Variants in PCDHA8 observed in about 807,000 individuals in gnomAD.
PCDHA8 encodes protocadherin alpha 8, also known as protocadherin alpha-8.
A neutral mutation model predicts 61.8 loss-of-function variants in PCDHA8; 53 were observed. The ratio of observed to expected loss-of-function variants is 0.86; its 90% confidence interval spans 0.69 to 1.08. PCDHA8 has a LOEUF of 1.08. Among genes scored for constraint, PCDHA8 ranks in the 50% least tolerant of loss-of-function variants. The pLI is 0.00. For synonymous variants in PCDHA8, 618 were observed against 556.6 expected (o/e 1.11, Z -1.55); for missense variants, 1,293 against 1,245.0 (o/e 1.04, Z -0.58).
At chr5:140,946,797 CAG>C (rs1279078142) in intron 1 of PCDHA8, among the ~76,000 whole-genome samples, 2 of 151,052 alleles carry the variant, frequency 1.3e-5, no homozygotes, top group Non-Finnish European at 3.0e-5. Context: ...CTTATAGAAG[CAG>C]AGAGTATAAC....
chr5:140,945,275 A>G (rs1205952276), intron 1 of PCDHA8, among the ~76,000 whole-genome samples: 2 of 152,186 alleles, frequency 1.3e-5, no homozygotes, highest in Non-Finnish European at 2.9e-5. Context: ...TGAAAACTTT[A>G]AAACATTGAT....
rs138948867 is a variant in PCDHA8, at chr5:140,849,674, C to A, written c.2394+5959C>A. 2.5e-6 allele frequency: 4 copies of A among 1,598,602 alleles called. 1 individual carries two copies. Among genetic ancestry groups the A allele is most frequent in the Non-Finnish European group, 3.4e-6 (4 of 1,168,020 alleles). ...TTACCTGCTCCCTGACGCCCCACGT[C>A]CCCTTCAAGCTGGTGTCCACCTACA... On this transcript the variant is annotated intron_variant, in intron 1 of 3. Coordinates refer to ENST00000531613, the MANE Select transcript of PCDHA8 (RefSeq NM_018911.3).
intron 1 of PCDHA8, chr5:140,855,857 C>T: frequency 1.4e-6 from 1 of 710,772 alleles, no homozygotes; most frequent in Non-Finnish European, 2.3e-6. Context: ...CACCGGATGT[C>T]GCTGTCGTCC....
In PCDHA8 at chr5:140,949,013, T is replaced by C. The variant is rs541040709; in HGVS notation, c.2395-29936T>C. Among the ~76,000 whole-genome samples, 141 of 151,862 alleles carry C rather than the reference T, an allele frequency of 9.3e-4. No homozygotes were observed. In the Middle Eastern group the frequency reaches 0.01, roughly 11 times the overall value. On this transcript the variant is annotated intron_variant, in intron 1 of 3. Transcript: ENST00000531613. ...GCATTTTACTAATTTTTATATGTGATGTTTTTATTTTTATTCATTTAAAAG... is the reference window on the plus strand; with the variant it reads ...GCATTTTACTAATTTTTATATGTGACGTTTTTATTTTTATTCATTTAAAAG...
At chr5:140,862,433 G>T (rs781821294) in intron 1 of PCDHA8, 1 of 354,884 alleles carries the variant, frequency 2.8e-6, no homozygotes, top group Non-Finnish European at 5.6e-6. Flanking sequence ...GAAACTATTC[G>T]TTGGTACTCC....
At chr5:140,875,474 T>A in intron 1 of PCDHA8, 2 of 1,606,582 alleles carry the variant, frequency 1.2e-6, no homozygotes, top group Non-Finnish European at 1.7e-6. Flanking sequence ...TTTTCTGCAA[T>A]GGTGATTATC....
chr5:140,859,875 T>G (rs1554152798), intron 1 of PCDHA8: 1 of 152,066 alleles, frequency 6.6e-6, no homozygotes, highest in East Asian at 1.9e-4. Flanking sequence ...CTTCCCCCTC[T>G]GATATTTTGA....
At chr5:140,869,940 C>T in intron 1 of PCDHA8, 1 of 1,612,138 alleles carries the variant, frequency 6.2e-7, no homozygotes, top group African/African-American at 1.3e-5. Flanking sequence ...AGGTAACATA[C>T]TCCTTAATGT....
chr5:140,870,658 C>G, intron 1 of PCDHA8: 3 of 1,612,534 alleles, frequency 1.9e-6, no homozygotes, highest in Non-Finnish European at 2.5e-6. Context: ...GGTGTACGCG[C>G]TGCAGCCGTT....
chr5:140,931,047 C>G (rs969815598), intron 1 of PCDHA8, among the ~76,000 whole-genome samples: 5 of 152,166 alleles, frequency 3.3e-5, no homozygotes, highest in African/African-American at 9.6e-5. Context: ...AGAAAAACTT[C>G]AATGCTGTGT....
At chr5:140,951,311 T>G (rs1240303466) in intron 1 of PCDHA8, among the ~76,000 whole-genome samples, 4 of 152,224 alleles carry the variant, frequency 2.6e-5, no homozygotes, top group African/African-American at 9.6e-5. Context: ...ATTAATGTGT[T>G]ATTCTTGAGA....
chr5:140,941,214 C>CCTTTCTTT lies in PCDHA8; in HGVS notation c.2395-37700_2395-37693dup, dbSNP rs60032403. On this transcript the variant is annotated intron_variant, in intron 1 of 3. Coordinates refer to ENST00000531613, the MANE Select transcript of PCDHA8 (RefSeq NM_018911.3). ...TTTTTTCTTTCTTCCTTTCTTTCTTCCTTTCTTTCTTTCTTTCTTTCTTTC... is the reference window on the plus strand; with the variant it reads ...TTTTTTCTTTCTTCCTTTCTTTCTTCCTTTCTTTCTTTCTTTCTTTCTTTCTTTCTTTC... Among the ~76,000 whole-genome samples, 464 of 122,456 alleles carry CCTTTCTTT rather than the reference C, an allele frequency of 3.8e-3. 7 individuals are homozygous for CCTTTCTTT. The highest frequency in any genetic ancestry group is 0.025 in the Middle Eastern group (6 of 238). 80.3% of individuals were successfully genotyped at this position (122,456 alleles called of 152,430 possible).
intron 1 of PCDHA8, chr5:140,927,432 C>T: frequency 5.6e-6 from 9 of 1,614,124 alleles, no homozygotes; most frequent in Non-Finnish European, 5.9e-6. Flanking sequence ...TTGACGGCAG[C>T]GAATACCCGG....
rs1284021507 is a variant in PCDHA8 at position 140,883,838 on chromosome 5, G to A, written c.2394+40123G>A. The A allele has an allele frequency of 1.9e-6, 3 of 1,612,620 alleles. No individual in the cohort carries two copies. In the Admixed American group the frequency reaches 5.0e-5, roughly 27 times the overall value. ...CAAGGTGTACGCGCTGCAGCCGTTG[G>A]ACCACGAGGAGCTGGAGCTGTTGCA... On this transcript the variant is annotated intron_variant, in intron 1 of 3. Coordinates refer to ENST00000531613, the MANE Select transcript of PCDHA8 (RefSeq NM_018911.3).
chr5:140,926,890 A>ACCCTCCCT (rs782687521), intron 1 of PCDHA8: 1 of 1,543,756 alleles, frequency 6.5e-7, no homozygotes, highest in Non-Finnish European at 8.7e-7. Context: ...GCCTAGAGGG[A>ACCCTCCCT]GGATGGTGGG....
At chr5:140,911,365 TG>T (rs1554194694) in intron 1 of PCDHA8, among the ~76,000 whole-genome samples, 1 of 152,218 alleles carries the variant, frequency 6.6e-6, no homozygotes, top group East Asian at 1.9e-4. Flanking sequence ...AGTAGACACC[TG>T]GCAAGGCTGT....
chr5:140,941,841 A>G (rs1483251367), intron 1 of PCDHA8, among the ~76,000 whole-genome samples: 1 of 152,180 alleles, frequency 6.6e-6, no homozygotes, highest in Non-Finnish European at 1.5e-5. Flanking sequence ...TTAGGCTGCC[A>G]TTACCTGATA....
Position 141,010,331 on chromosome 5 carries a change from T to C in PCDHA8, c.*394T>C. 6.5e-7 allele frequency: 1 copy of C among 1,537,904 alleles called. No homozygotes were observed. Among genetic ancestry groups the C allele is most frequent in the Non-Finnish European group, 8.8e-7 (1 of 1,142,160 alleles). On this transcript the variant is annotated 3_prime_UTR_variant, in exon 4 of 4. Transcript: ENST00000531613. The stretch of plus-strand genomic sequence containing the variant: ...TTTTGAGATTGAGCAGCTTGGGAGT[T>C]TGTGGCCACTGGGTATGTGTGGCTA...
intron 1 of PCDHA8, chr5:140,870,212 T>C (rs2051764636): frequency 6.2e-7 from 1 of 1,614,076 alleles, no homozygotes; most frequent in Non-Finnish European, 8.5e-7. Context: ...GTCATTGCCC[T>C]GATCAGCGTG....
Sources: allele counts gnomAD v4.1 joint callset (sites outside exome capture counted in the v4.1 genomes callset), GRCh38; gene constraint gnomAD v4.1.1; transcripts MANE v1.5; gene names NCBI Gene and HGNC (gene_info 2026-07-23, HGNC 2026-07-21).